The following CDH9 variants were observed in gnomAD, a reference collection of about 807,000 sequenced individuals.
CDH9 encodes cadherin 9, also known as cadherin-9.
A neutral mutation model predicts 70.9 loss-of-function variants in CDH9; 28 were observed. That is an observed-to-expected ratio of 0.40 (90% CI 0.29 to 0.54). CDH9 has a LOEUF of 0.54. Ranked by LOEUF, CDH9 falls within the 20% of genes least tolerant of loss-of-function variation. CDH9 has a pLI of 0.59. For synonymous variants in CDH9, 409 were observed against 343.1 expected (o/e 1.19, Z -2.12); for missense variants, 874 against 984.4 (o/e 0.89, Z 1.50).
chr5:27,006,119 G>C (rs1220470083), intron 1 of CDH9, among the ~76,000 whole-genome samples: 2 of 151,932 alleles, frequency 1.3e-5, no homozygotes, highest in African/African-American at 2.4e-5. Flanking sequence ...AAACCTCTGT[G>C]ATACAAATGC....
At chr5:26,972,367 A>C (rs1742234345) in intron 2 of CDH9, among the ~76,000 whole-genome samples, 1 of 152,152 alleles carries the variant, frequency 6.6e-6, no homozygotes, top group South Asian at 2.1e-4. Context: ...CATCAATAAT[A>C]AGCTCAATGC....
At chr5:26,974,318 C>A (rs531550783) in intron 2 of CDH9, among the ~76,000 whole-genome samples, 4 of 150,080 alleles carry the variant, frequency 2.7e-5, no homozygotes, top group African/African-American at 9.8e-5. Flanking sequence ...CTTATGAAGA[C>A]AAATAACTAA....
chr5:27,031,823 C>T (rs1743316108), intron 1 of CDH9, among the ~76,000 whole-genome samples: 1 of 151,896 alleles, frequency 6.6e-6, no homozygotes, highest in Non-Finnish European at 1.5e-5. Flanking sequence ...GTCATTTGGT[C>T]TCTGTAGGTT....
rs1579675237 is a variant in CDH9, at chr5:26,906,131, T to C, written c.644-5A>G. ...GTAATGCAGTTTTTATTATGCCTTT[T>C]GGAAAAAGCAGACAAAAGTTTTGCA... is the stretch of plus-strand genomic sequence containing the variant. On this transcript the variant is annotated splice_polypyrimidine_tract_variant and splice_region_variant and intron_variant, in intron 4 of 11. Coordinates refer to ENST00000231021, the MANE Select transcript of CDH9 (RefSeq NM_016279.4). 1.9e-6 allele frequency: 3 copies of C among 1,604,718 alleles called. No individual in the cohort carries two copies. The East Asian group carries it at 6.7e-5, about 36-fold the overall frequency.
chr5:26,956,070 G>T (rs1054147795), intron 2 of CDH9, among the ~76,000 whole-genome samples: 3 of 152,162 alleles, frequency 2.0e-5, no homozygotes, highest in Non-Finnish European at 2.9e-5. Context: ...TGTTGAGGGG[G>T]TTGGTACTTG....
chr5:26,981,212 G>T (rs1012969511), intron 2 of CDH9, among the ~76,000 whole-genome samples: 3 of 151,944 alleles, frequency 2.0e-5, no homozygotes, highest in Non-Finnish European at 4.4e-5. Context: ...TCATCCCTCG[G>T]TATCCGTGGG....
chr5:26,890,320 TTGC>T (rs1740635129), intron 8 of CDH9, 105 bp downstream of exon 8: 1 of 830,734 alleles, frequency 1.2e-6, no homozygotes. Flanking sequence ...CTCTAAGATC[TTGC>T]TAAGGATACA....
At chr5:26,934,128 G>A (rs913181341) in intron 2 of CDH9, among the ~76,000 whole-genome samples, 9 of 152,070 alleles carry the variant, frequency 5.9e-5, no homozygotes, top group South Asian at 2.1e-4. Context: ...AGGGGAGAAA[G>A]GTGCTAGGTT....
chr5:26,926,541 C>T (rs1394386769), intron 2 of CDH9, among the ~76,000 whole-genome samples: 3 of 151,858 alleles, frequency 2.0e-5, no homozygotes, highest in Non-Finnish European at 4.4e-5. Context: ...GATTCAATGC[C>T]ATCCCCATCA....
intron 2 of CDH9, among the ~76,000 whole-genome samples, chr5:26,949,169 T>C (rs1463330164): frequency 2.0e-5 from 3 of 152,172 alleles, no homozygotes; most frequent in Non-Finnish European, 4.4e-5. Context: ...TTTGACCCTT[T>C]TGGCTTAACA....
intron 8 of CDH9, 76 bp from the exon 9 acceptor site, chr5:26,890,033 A>G (rs1579664081): frequency 1.5e-6 from 2 of 1,347,952 alleles, no homozygotes; most frequent in Non-Finnish European, 2.1e-6. Context: ...TTTGTAGCTT[A>G]GCAACAGATC....
At chr5:26,915,026 T>C (rs1741123484) in intron 3 of CDH9, among the ~76,000 whole-genome samples, 1 of 152,044 alleles carries the variant, frequency 6.6e-6, no homozygotes, top group African/African-American at 2.4e-5. Context: ...ATTTTCAGTT[T>C]GCATAAGGCA....
chr5:26,954,955 A>G (rs1373254144), intron 2 of CDH9, among the ~76,000 whole-genome samples: 2 of 152,140 alleles, frequency 1.3e-5, no homozygotes, highest in Non-Finnish European at 2.9e-5. Flanking sequence ...GGACTGCTTC[A>G]GCCTGGGATG....
chr5:26,917,374 A>G (rs1221337700), intron 2 of CDH9, among the ~76,000 whole-genome samples: 2 of 152,004 alleles, frequency 1.3e-5, no homozygotes, highest in Admixed American at 6.6e-5. Context: ...CATGGTGACT[A>G]TAATAAATAA....
At position 26,965,602 on chromosome 5, in the gene CDH9, T is replaced by A. The variant is rs1050909331; in HGVS notation, c.228+22504A>T. ...ATAATAATAATAATAATAATAATAATAAATATTTCTCTTTAACAGCTGGTG... is the reference window on the plus strand; with the variant it reads ...ATAATAATAATAATAATAATAATAAAAAATATTTCTCTTTAACAGCTGGTG... On this transcript the variant is annotated intron_variant, in intron 2 of 11. Coordinates refer to ENST00000231021, the MANE Select transcript of CDH9 (RefSeq NM_016279.4). 5.4e-5 allele frequency among the ~76,000 whole-genome samples: 8 copies of A among 149,282 alleles called. No individual in the cohort carries two copies. The South Asian group carries it at 1.3e-3, about 23-fold the overall frequency.
chr5:26,920,275 T>C (rs565900484), intron 2 of CDH9, among the ~76,000 whole-genome samples: 5 of 151,736 alleles, frequency 3.3e-5, no homozygotes, highest in African/African-American at 9.7e-5. Context: ...GGAAAGACTC[T>C]TCTGCTTGAG....
intron 7 of CDH9, chr5:26,890,803 T>A (rs1740647077): frequency 2.6e-6 from 1 of 385,816 alleles, no homozygotes; most frequent in African/African-American, 2.0e-5. Flanking sequence ...TACACATGAA[T>A]CTGGATGGCA....
chr5:26,911,613 G>A lies in CDH9; in HGVS notation c.523+4017C>T, dbSNP rs187028978. Reference sequence around the variant, plus strand: ...AACAAAAATTTGCCTAGGTGAAGACGAAAGCATGCACATGAAGCAAGTTGA... The same window carrying A: ...AACAAAAATTTGCCTAGGTGAAGACAAAAGCATGCACATGAAGCAAGTTGA... On this transcript the variant is annotated intron_variant, in intron 3 of 11. Transcript: ENST00000231021. Among the ~76,000 whole-genome samples the A allele has an allele frequency of 5.1e-3, 781 of 151,806 alleles. 3 individuals are homozygous for A. The highest frequency in any genetic ancestry group is 8.3e-3 in the Non-Finnish European group (561 of 67,958).
chr5:26,924,745 C>A (rs1741306933), intron 2 of CDH9, among the ~76,000 whole-genome samples: 1 of 151,920 alleles, frequency 6.6e-6, no homozygotes, highest in Non-Finnish European at 1.5e-5. Context: ...ATGTTCCCCA[C>A]CCTGTGTCCA....
Sources: allele counts gnomAD v4.1 joint callset (sites outside exome capture counted in the v4.1 genomes callset), GRCh38; gene constraint gnomAD v4.1.1; transcripts MANE v1.5; gene names NCBI Gene and HGNC (gene_info 2026-07-23, HGNC 2026-07-21).